The following WDR33 variants were observed in gnomAD, a reference collection of about 807,000 sequenced individuals.
WDR33 encodes pre-mRNA 3' end processing protein WDR33.
A neutral mutation model predicts 164.9 loss-of-function variants in WDR33; 47 were observed. The observed-to-expected ratio is 0.29, with a 90% confidence interval of 0.23 to 0.36. The LOEUF is 0.36. Ranked by LOEUF, WDR33 falls within the 10% of genes least tolerant of loss-of-function variation. WDR33 has a pLI of 1.00. For synonymous variants in WDR33, 505 were observed against 589.0 expected (o/e 0.86, Z 2.06); for missense variants, 1,137 against 1,754.1 (o/e 0.65, Z 6.28).
At chr2:127,752,328 C>T (rs1349875985) in intron 7 of WDR33, among the ~76,000 whole-genome samples, 4 of 152,150 alleles carry the variant, frequency 2.6e-5, no homozygotes, top group African/African-American at 9.6e-5. Flanking sequence ...CGGTGGCTCA[C>T]GCCTGTAATC....
chr2:127,753,590 A>T (rs1296082088), intron 7 of WDR33, among the ~76,000 whole-genome samples: 1 of 152,220 alleles, frequency 6.6e-6, no homozygotes, highest in Non-Finnish European at 1.5e-5. Flanking sequence ...TGTGACTAAC[A>T]TTCAGCTTCT....
rs201498390 is a variant in WDR33, at chr2:127,722,545, A to G, written c.1518+46T>C. 3.0e-4 allele frequency: 479 copies of G among 1,588,494 alleles called. 1 individual carries two copies. Among genetic ancestry groups the G allele is most frequent in the Middle Eastern group, 6.7e-4 (4 of 5,974 alleles). On this transcript the variant is annotated intron_variant, in intron 14 of 21. Coordinates refer to ENST00000322313, the MANE Select transcript of WDR33 (RefSeq NM_018383.5). This position sits in a 1 kb window ranked among gnomAD's most constrained non-coding sequence, Gnocchi z 5.1. ...ATCCAAGAGAAACCTCAAACTAACC[A>G]ACCAAAACCTCTCTGCGTGGATGAG...
chr2:127,736,960 TAAC>T (rs141777908), intron 7 of WDR33: 14,200 of 985,120 alleles, frequency 0.014, 124 homozygotes, highest in Middle Eastern at 0.052. Context: ...AGTTAATTGA[TAAC>T]AATTTGAAAA....
chr2:127,723,447 C>A lies in WDR33; in HGVS notation c.1197-100G>T, dbSNP rs562470039. On this transcript the variant is annotated intron_variant, in intron 11 of 21. Coordinates refer to ENST00000322313, the MANE Select transcript of WDR33 (RefSeq NM_018383.5). The surrounding 1 kb of genome is among the most constrained non-coding windows in gnomAD (Gnocchi z 5.9). ...CCTTGGTAAACACAACACATTTTTA[C>A]AATTTGTTTCTTCTACAAATTTAAA... 1.4e-5 allele frequency: 13 copies of A among 919,522 alleles called. No homozygotes were observed. The African/African-American group carries it at 2.2e-4, about 15-fold the overall frequency. The allele number at this position is 919,522 out of a possible 1,614,324, so 57.0% of individuals were successfully genotyped here. A position where few individuals can be genotyped will look rare whatever the true frequency, so the allele number is the denominator to read the frequency against.
At chr2:127,756,458 CATAT>C (rs1687525304) in intron 7 of WDR33, among the ~76,000 whole-genome samples, 3 of 151,150 alleles carry the variant, frequency 2.0e-5, no homozygotes, top group Admixed American at 2.0e-4. Context: ...ACATTTTAAT[CATAT>C]ACTTTATTAA....
At chr2:127,745,488 C>T (rs568000500) in intron 7 of WDR33, among the ~76,000 whole-genome samples, 2 of 152,248 alleles carry the variant, frequency 1.3e-5, no homozygotes, top group East Asian at 3.9e-4. Context: ...AATGGTTTTT[C>T]TTTCATGATT....
intron 1 of WDR33, among the ~76,000 whole-genome samples, chr2:127,787,526 C>T (rs1442493656): frequency 7.8e-6 from 1 of 127,722 alleles, no homozygotes; most frequent in Non-Finnish European, 1.6e-5. Context: ...GGCGGCTGGC[C>T]GGTCGGGGGG....
intron 8 of WDR33, among the ~76,000 whole-genome samples, chr2:127,725,621 C>G (rs1344635117): frequency 1.3e-5 from 2 of 152,070 alleles, no homozygotes; most frequent in Non-Finnish European, 2.9e-5. Flanking sequence ...GTAGTCCCAG[C>G]TACTCAGGAG....
At chr2:127,771,991 A>G (rs1262403813) in intron 1 of WDR33, among the ~76,000 whole-genome samples, 1 of 152,114 alleles carries the variant, frequency 6.6e-6, no homozygotes, top group African/African-American at 2.4e-5. Context: ...GGAATTGTTC[A>G]CTTTTTCTTT....
chr2:127,749,102 C>A (rs572992207), intron 7 of WDR33, among the ~76,000 whole-genome samples: 2 of 152,078 alleles, frequency 1.3e-5, no homozygotes, highest in East Asian at 3.9e-4. Flanking sequence ...TTTGGGAGGC[C>A]AAGATGGGAA....
At position 127,763,259 on chromosome 2, in the gene WDR33, A is replaced by G. The variant is rs1181647821; in HGVS notation, c.627-100T>C. ...AAATAAAAACACTGTGCTGCATTATAAACAGGAGAGGGAAGAATCCAGTGA... is the reference window on the plus strand; with the variant it reads ...AAATAAAAACACTGTGCTGCATTATGAACAGGAGAGGGAAGAATCCAGTGA... On this transcript the variant is annotated intron_variant, in intron 6 of 21. Coordinates refer to ENST00000322313, the MANE Select transcript of WDR33 (RefSeq NM_018383.5). The surrounding 1 kb of genome is among the most constrained non-coding windows in gnomAD (Gnocchi z 4.5). 1.9e-6 allele frequency: 3 copies of G among 1,572,196 alleles called. No homozygotes were observed. The African/African-American group carries it at 4.1e-5, about 21-fold the overall frequency.
At chr2:127,786,698 T>A (rs1186256054) in intron 1 of WDR33, among the ~76,000 whole-genome samples, 1 of 152,134 alleles carries the variant, frequency 6.6e-6, no homozygotes, top group Non-Finnish European at 1.5e-5. Context: ...TATATATATG[T>A]ATTTTTTTTA....
In WDR33 at chr2:127,701,502, T is replaced by G; in HGVS notation, c.*4821A>C. On this transcript the variant is annotated 3_prime_UTR_variant, in exon 22 of 22. Transcript: ENST00000322313. The stretch of plus-strand genomic sequence containing the variant: ...GAGGGCCGGAAGTGAGCCGCAGCTT[T>G]TCCTTTCTGCCACCGCCTTGTCCAA... The G allele has an allele frequency of 6.2e-6, 8 of 1,281,254 alleles. No homozygotes were observed. The highest frequency in any genetic ancestry group is 6.9e-6 in the Non-Finnish European group (7 of 1,010,714). The allele number at this position is 1,281,254 out of a possible 1,614,324, so 79.4% of individuals were successfully genotyped here.
At position 127,722,875 on chromosome 2, in the gene WDR33, G is replaced by A. The variant is rs1686473554; in HGVS notation, c.1378+83C>T. The A allele has an allele frequency of 2.1e-6, 3 of 1,414,998 alleles. No individual in the cohort carries two copies. The highest frequency in any genetic ancestry group is 2.9e-6 in the Non-Finnish European group (3 of 1,046,814). The allele number at this position is 1,414,998 out of a possible 1,614,324, so 87.7% of individuals were successfully genotyped here. ...ACATTTCTCAACATAAATCATTTTGGTATTTCAATATATTTATCAGGAACA... is the reference window on the plus strand; with the variant it reads ...ACATTTCTCAACATAAATCATTTTGATATTTCAATATATTTATCAGGAACA... On this transcript the variant is annotated intron_variant, in intron 13 of 21. Transcript: ENST00000322313. This position sits in a 1 kb window ranked among gnomAD's most constrained non-coding sequence, Gnocchi z 5.1.
chr2:127,751,272 G>A (rs1246494433), intron 7 of WDR33, among the ~76,000 whole-genome samples: 1 of 151,750 alleles, frequency 6.6e-6, no homozygotes, highest in African/African-American at 2.4e-5. Context: ...GACGTGGGAG[G>A]ATCACTTGAG....
rs1276122284 is a variant in WDR33, at chr2:127,741,296, G to C, written c.725-14519C>G. 6.6e-6 allele frequency among the ~76,000 whole-genome samples: 1 copy of C among 152,176 alleles called. No homozygotes were observed. The highest frequency in any genetic ancestry group is 1.5e-5 in the Non-Finnish European group (1 of 68,032). ...CACTGAAAATGGAAAGAAGTGGAGG[G>C]CAAAGAGAGAATGGGAGAGGAGGAG... On this transcript the variant is annotated intron_variant, in intron 7 of 21. Coordinates refer to ENST00000322313, the MANE Select transcript of WDR33 (RefSeq NM_018383.5). The surrounding 1 kb of genome is among the most constrained non-coding windows in gnomAD (Gnocchi z 4.1).
intron 1 of WDR33, among the ~76,000 whole-genome samples, chr2:127,809,216 T>G (rs981588069): frequency 1.3e-5 from 2 of 152,048 alleles, no homozygotes; most frequent in African/African-American, 4.8e-5. Flanking sequence ...GAAAAGTATA[T>G]GAACTTATTA....
At chr2:127,768,686 T>C (rs1687898840) in intron 3 of WDR33, among the ~76,000 whole-genome samples, 1 of 152,180 alleles carries the variant, frequency 6.6e-6, no homozygotes, top group Admixed American at 6.5e-5. Flanking sequence ...ACTCAACTTC[T>C]TTTTGGACAC....
In WDR33 at chr2:127,764,453, G is replaced by T; in HGVS notation, c.626+375C>A. 6.9e-7 allele frequency: 1 copy of T among 1,456,878 alleles called. No homozygotes were observed. The highest frequency in any genetic ancestry group is 1.5e-5 in the South Asian group (1 of 64,546). The allele number at this position is 1,456,878 out of a possible 1,614,324, so 90.2% of individuals were successfully genotyped here. ...CTGAAGTTGTTTTCTGTAGGCTTTA[G>T]ATTTTATTCAGTTGCATAATTAAAG... On this transcript the variant is annotated intron_variant, in intron 6 of 21. Coordinates refer to ENST00000322313, the MANE Select transcript of WDR33 (RefSeq NM_018383.5). The surrounding 1 kb of genome is among the most constrained non-coding windows in gnomAD (Gnocchi z 6.2).
Sources: allele counts gnomAD v4.1 joint callset (sites outside exome capture counted in the v4.1 genomes callset), GRCh38; gene constraint gnomAD v4.1.1; non-coding constraint Gnocchi (gnomAD v3.1); transcripts MANE v1.5; gene names NCBI Gene and HGNC (gene_info 2026-07-23, HGNC 2026-07-21).